Variants in ANKH observed in about 807,000 individuals in gnomAD.
ANKH encodes ANKH inorganic pyrophosphate transport regulator, also known as mineralization regulator ANKH.
In ANKH, 15 loss-of-function variants were observed where a neutral mutation model predicts 49.0. That is an observed-to-expected ratio of 0.31 (90% CI 0.20 to 0.47). The LOEUF (loss-of-function observed/expected upper bound fraction) is 0.47. ANKH is among the 20% of genes least tolerant of loss of function. ANKH has a pLI of 1.00. For missense variants in ANKH, 429 were observed against 652.0 expected (o/e 0.66, Z 3.72); for synonymous variants, 273 against 260.0 (o/e 1.05, Z -0.48).
chr5:14,754,608 G>A (rs1016779410), intron 4 of ANKH, among the ~76,000 whole-genome samples: 41 of 151,490 alleles, frequency 2.7e-4, no homozygotes, highest in Admixed American at 2.0e-3. Flanking sequence ...CACACACACA[G>A]TTAGTAGAAA....
At chr5:14,802,758 T>C (rs965798766) in intron 1 of ANKH, among the ~76,000 whole-genome samples, 1 of 152,080 alleles carries the variant, frequency 6.6e-6, no homozygotes, top group Non-Finnish European at 1.5e-5. Context: ...CTCGTCTCAA[T>C]GTCAGCTCCT....
At chr5:14,711,666 A>T (rs960952054) in intron 11 of ANKH, among the ~76,000 whole-genome samples, 1 of 152,120 alleles carries the variant, frequency 6.6e-6, no homozygotes, top group Non-Finnish European at 1.5e-5. Flanking sequence ...TCCTCCCTAA[A>T]GCCTCAAGCT....
chr5:14,745,796 T>C lies in ANKH; in HGVS notation c.915+74A>G. 7.6e-7 allele frequency: 1 copy of C among 1,311,486 alleles called. No individual in the cohort carries two copies. Among genetic ancestry groups the C allele is most frequent in the Non-Finnish European group, 1.1e-6 (1 of 906,480 alleles). The allele number at this position is 1,311,486 out of a possible 1,614,324, so 81.2% of individuals were successfully genotyped here. ...GGACTGAGAAGCAACAAAGTGTCCC[T>C]CATCAGAGAGCCCTGTCTATCAAGA... On this transcript the variant is annotated intron_variant, in intron 7 of 11. Coordinates refer to ENST00000284268, the MANE Select transcript of ANKH (RefSeq NM_054027.6). This position sits in a 1 kb window ranked among gnomAD's most constrained non-coding sequence, Gnocchi z 4.7.
intron 1 of ANKH, among the ~76,000 whole-genome samples, chr5:14,828,147 G>C (rs1580099900): frequency 6.6e-6 from 1 of 152,130 alleles, no homozygotes; most frequent in Admixed American, 6.5e-5. Context: ...ATGATGAGGA[G>C]TGTGTGACAG....
chr5:14,781,931 C>T (rs1395663932), intron 1 of ANKH, among the ~76,000 whole-genome samples: 1 of 152,172 alleles, frequency 6.6e-6, no homozygotes, highest in Non-Finnish European at 1.5e-5. Flanking sequence ...CCAGAAACAA[C>T]AATCTGGAAT....
rs371957576 is a variant in ANKH at position 14,723,324 on chromosome 5, A to G, written c.1012-6489T>C. On this transcript the variant is annotated intron_variant, in intron 8 of 11. Transcript: ENST00000284268. ...ATGGGAACTCTGCACCATCTCCACA[A>G]TGTTTCTGTAAATCAGAAGTTATTC... Among the ~76,000 whole-genome samples, 119 of 150,478 alleles carry G rather than the reference A, an allele frequency of 7.9e-4. 1 individual carries two copies. The highest frequency in any genetic ancestry group is 2.8e-3 in the African/African-American group (114 of 40,788).
At chr5:14,809,354 A>AAAAAAAAAAG (rs1561065397) in intron 1 of ANKH, among the ~76,000 whole-genome samples, 6 of 130,284 alleles carry the variant, frequency 4.6e-5, no homozygotes, top group South Asian at 2.7e-4. Context: ...AAAAAAAAAA[A>AAAAAAAAAAG]AAAGAAAAAA....
intron 1 of ANKH, among the ~76,000 whole-genome samples, chr5:14,849,746 C>T (rs956934767): frequency 5.3e-5 from 8 of 152,208 alleles, no homozygotes; most frequent in African/African-American, 1.7e-4. Flanking sequence ...CTGTGCCGGA[C>T]GATCCCTCTG....
chr5:14,804,626 C>T (rs4702054), intron 1 of ANKH, among the ~76,000 whole-genome samples: 15,688 of 152,176 alleles, frequency 0.1, 884 homozygotes, highest in Admixed American at 0.12. Flanking sequence ...CTCACAGGGG[C>T]TGAAAATAGA....
chr5:14,762,033 G>T (rs1368205143), intron 2 of ANKH, among the ~76,000 whole-genome samples: 2 of 152,060 alleles, frequency 1.3e-5, no homozygotes, highest in Admixed American at 6.6e-5. Context: ...CCAAAGTGCT[G>T]GGATTATAGG....
In ANKH at chr5:14,705,851, AC is replaced by A. The variant is rs1472517730; in HGVS notation, c.*5345del. 6.6e-6 allele frequency: 1 copy of A among 152,142 alleles called. No individual in the cohort carries two copies. Among genetic ancestry groups the A allele is most frequent in the Admixed American group, 6.6e-5 (1 of 15,254 alleles). 9.4% of individuals were successfully genotyped at this position (152,142 alleles called of 1,614,324 possible). A position where few individuals can be genotyped will look rare whatever the true frequency, so the allele number is the denominator to read the frequency against. On this transcript the variant is annotated 3_prime_UTR_variant, in exon 12 of 12. Transcript: ENST00000284268. ...AGCTTTCAGTAGCTGTTTCATTCAA[AC>A]CGTGGGTCCCTGCATGTTCATGGCC...
rs192492808 is a variant in ANKH at position 14,752,548 on chromosome 5, A to C, written c.517-1309T>G. ...GAGAATCAGCCCAGCCTTTGTCTAG[A>C]GTCCTCCTGGGATCCACTCATTCCA... On this transcript the variant is annotated intron_variant, in intron 4 of 11. Transcript: ENST00000284268. Among the ~76,000 whole-genome samples the C allele has an allele frequency of 1.9e-3, 282 of 152,308 alleles. 2 individuals are homozygous for C. Among genetic ancestry groups the C allele is most frequent in the African/African-American group, 6.4e-3 (268 of 41,574 alleles).
At chr5:14,786,045 CA>C (rs71603742) in intron 1 of ANKH, among the ~76,000 whole-genome samples, 1,047 of 67,178 alleles carry the variant, frequency 0.016, 2 homozygotes, top group African/African-American at 0.04. Context: ...GACTCTGTCT[CA>C]AAAAAAAAAA....
chr5:14,838,344 C>A (rs826350), intron 1 of ANKH, among the ~76,000 whole-genome samples: 2 of 151,534 alleles, frequency 1.3e-5, no homozygotes, highest in African/African-American at 4.8e-5. Context: ...ATGTAATAAA[C>A]CTGCACATTG....
At chr5:14,854,680 G>C (rs1742207519) in intron 1 of ANKH, among the ~76,000 whole-genome samples, 1 of 152,072 alleles carries the variant, frequency 6.6e-6, no homozygotes, top group South Asian at 2.1e-4. Flanking sequence ...GTAAGACCCT[G>C]TTTCTAAAAT....
chr5:14,741,796 G>C, intron 8 of ANKH, 31 bp downstream of exon 8: 1 of 1,570,038 alleles, frequency 6.4e-7, no homozygotes, highest in Non-Finnish European at 8.8e-7. Context: ...ACCAAACAGA[G>C]AGAAGAGGCA....
intron 1 of ANKH, among the ~76,000 whole-genome samples, chr5:14,775,714 C>A (rs1739595377): frequency 6.6e-6 from 1 of 151,920 alleles, no homozygotes; most frequent in Admixed American, 6.6e-5. Context: ...AGAAGGGAGG[C>A]CAGTAAGAGA....
chr5:14,758,866 T>G (rs535115717), intron 2 of ANKH, among the ~76,000 whole-genome samples: 4 of 152,362 alleles, frequency 2.6e-5, no homozygotes, highest in Non-Finnish European at 5.9e-5. Flanking sequence ...CATACTCTTT[T>G]GTAAACCATG....
At chr5:14,748,997 C>CA (rs1738627304) in intron 6 of ANKH, among the ~76,000 whole-genome samples, 175 bp downstream of exon 6, 1 of 152,216 alleles carries the variant, frequency 6.6e-6, no homozygotes, top group Non-Finnish European at 1.5e-5. Flanking sequence ...TAAAAATATA[C>CA]AATTACATGA....
Sources: gnomAD v4.1 joint callset for allele counts (sites outside exome capture counted in the v4.1 genomes callset) on GRCh38, gnomAD v4.1.1 for gene constraint, Gnocchi (gnomAD v3.1) non-coding constraint, MANE v1.5 for transcripts, NCBI Gene and HGNC (gene_info 2026-07-23, HGNC 2026-07-21) for gene names.